Variants in RRM2 observed in about 807,000 individuals in gnomAD.
RRM2 encodes ribonucleotide reductase regulatory subunit M2.
RRM2 carries 6 observed loss-of-function variants against 45.9 expected under a neutral mutation model. The ratio of observed to expected loss-of-function variants is 0.13; its 90% CI spans 0.07 to 0.26. The LOEUF (loss-of-function observed/expected upper bound fraction) is 0.26. RRM2 is among the 10% of genes least tolerant of loss of function. The pLI, the probability that RRM2 is intolerant of heterozygous loss-of-function variation, is 1.00. For synonymous variants in RRM2, 177 were observed against 173.0 expected, an observed-to-expected ratio of 1.02 and a Z score of -0.18; for missense variants, 343 against 489.5, an observed-to-expected ratio of 0.70 and a Z score of 2.82.
At chr2:10,190,573 T>C (rs1293752293) in intron 3 of RRM2, among the ~76,000 whole-genome samples, 29 of 151,516 alleles carry the variant, frequency 1.9e-4, no homozygotes. Context: ...GTGATGATGG[T>C]GATGATCATG....
chr2:10,141,913 G>T (rs545079886), exon 2 of RRM2: 6 of 1,577,602 alleles, frequency 3.8e-6, no homozygotes, highest in Non-Finnish European at 4.3e-6. Context: ...GAGACAGCAC[G>T]CCAGTGAGGG....
At chr2:10,161,834 C>G (rs115606004) in intron 3 of RRM2, among the ~76,000 whole-genome samples, 1 of 152,210 alleles carries the variant, frequency 6.6e-6, no homozygotes, top group Non-Finnish European at 1.5e-5. Context: ...GCATCCCTAA[C>G]GTCACACAGC....
At chr2:10,128,261 G>A (rs945157442) in intron 7 of RRM2, among the ~76,000 whole-genome samples, 1 of 152,234 alleles carries the variant, frequency 6.6e-6, no homozygotes, top group East Asian at 1.9e-4. Context: ...TATACATTTT[G>A]GTCTAGTGTA....
downstream of RRM2, among the ~76,000 whole-genome samples, chr2:10,131,700 C>T (rs1229505776): frequency 6.6e-6 from 1 of 152,140 alleles, no homozygotes; most frequent in Non-Finnish European, 1.5e-5. Context: ...GATTGCACCG[C>T]TGCACTCCAG....
At position 10,169,188 on chromosome 2, in the gene RRM2, C is replaced by T. The variant is rs1216910238; in HGVS notation, n.482+26813C>T. 1.4e-5 allele frequency among the ~76,000 whole-genome samples: 2 copies of T among 146,894 alleles called. No individual in the cohort carries two copies. Among genetic ancestry groups the T allele is most frequent in the Non-Finnish European group, 3.0e-5 (2 of 67,178 alleles). ...GTAGAGATGGGGTCTCACAGTGTTG[C>T]CCAGGCTAGTTTTGAACTCCCGGGC... On this transcript the variant is annotated intron_variant and non_coding_transcript_variant, in intron 3 of 3. Transcript: ENST00000381786. The surrounding 1 kb of genome is among the most constrained non-coding windows in gnomAD (Gnocchi z 5.1).
At chr2:10,162,123 C>T (rs182456937) in intron 3 of RRM2, among the ~76,000 whole-genome samples, 2 of 151,766 alleles carry the variant, frequency 1.3e-5, no homozygotes, top group East Asian at 2.0e-4. Flanking sequence ...GGTGCCCTGT[C>T]AACAGTGATA....
chr2:10,141,973 A>G (rs1239801649), intron 2 of RRM2: 3 of 1,570,930 alleles, frequency 1.9e-6, no homozygotes, highest in Non-Finnish European at 2.6e-6. Flanking sequence ...GACGGTGACA[A>G]GCTCTGAAGA....
In RRM2 at chr2:10,204,771, A is replaced by G. The variant is rs1352070173; in HGVS notation, n.483-5540A>G. On this transcript the variant is annotated intron_variant and non_coding_transcript_variant, in intron 3 of 3. Coordinates refer to the RRM2 transcript ENST00000381786. This position sits in a 1 kb window ranked among gnomAD's most constrained non-coding sequence, Gnocchi z 4.0. ...ATACTTAGTCTGTGGCTGGGAGCCA[A>G]GCCTCAGGGTCCCTTTTCCTCTTCC... Among the ~76,000 whole-genome samples, 1 of 152,228 alleles carries G rather than the reference A, an allele frequency of 6.6e-6. No homozygotes were observed. The highest frequency in any genetic ancestry group is 1.5e-5 in the Non-Finnish European group (1 of 68,046).
downstream of RRM2, among the ~76,000 whole-genome samples, chr2:10,132,764 C>T (rs1046780867): frequency 6.6e-5 from 10 of 152,168 alleles, no homozygotes; most frequent in African/African-American, 2.4e-4. Context: ...GTCAGGTTGG[C>T]GCTGGGCCTA....
intron 3 of RRM2, among the ~76,000 whole-genome samples, chr2:10,193,835 A>G (rs554819362): frequency 6.6e-6 from 1 of 152,264 alleles, no homozygotes; most frequent in South Asian, 2.1e-4. Context: ...AGCAAGCATG[A>G]GATTGCAGAG....
chr2:10,193,381 G>A (rs1013465142), intron 3 of RRM2, among the ~76,000 whole-genome samples: 9 of 152,168 alleles, frequency 5.9e-5, no homozygotes, highest in South Asian at 2.1e-4. Context: ...TCCTTCTCAC[G>A]AGGCTCTGTG....
At position 10,122,775 on chromosome 2, in the gene RRM2, G is replaced by C. The variant is rs368001878; in HGVS notation, c.-24G>C. On this transcript the variant is annotated 5_prime_UTR_variant, in exon 1 of 10. Coordinates refer to ENST00000304567, the MANE Select transcript of RRM2 (RefSeq NM_001034.4). ...CCCAGCCGTCCTGTCCTGGCTGCTC[G>C]CTCTGCTTCGCTGCGCCTCCACTAT... 1 of 1,568,404 alleles carries C rather than the reference G, an allele frequency of 6.4e-7. No homozygotes were observed.
rs1005770710 is a variant in RRM2 at position 10,148,900 on chromosome 2, C to T, written n.482+6525C>T. Among the ~76,000 whole-genome samples, 8 of 152,086 alleles carry T rather than the reference C, an allele frequency of 5.3e-5. No individual in the cohort carries two copies. The South Asian group carries it at 6.2e-4, about 12-fold the overall frequency. ...AATTTTCTCTGTAATCTCTTTACAC[C>T]GTTCATTTTCATTTCCTTTTGCTCA... On this transcript the variant is annotated intron_variant and non_coding_transcript_variant, in intron 3 of 3. Transcript: ENST00000381786.
At chr2:10,123,644 T>C in intron 3 of RRM2, 92 bp from the exon 4 acceptor site, 1 of 1,430,212 alleles carries the variant, frequency 7.0e-7, no homozygotes, top group Non-Finnish European at 9.7e-7. Context: ...TAGTAAGTGG[T>C]GCCAGCATAC....
intron 3 of RRM2, among the ~76,000 whole-genome samples, chr2:10,190,074 A>AGG: frequency 8.1e-6 from 1 of 122,792 alleles, no homozygotes; most frequent in Non-Finnish European, 1.7e-5. Context: ...GGTGATGGTT[A>AGG]TGATGGTGGT....
intron 3 of RRM2, chr2:10,155,194 G>T: frequency 3.2e-6 from 1 of 311,496 alleles, no homozygotes; most frequent in South Asian, 3.3e-5. Flanking sequence ...CACTAGTCTT[G>T]ATTCAGGGCC....
chr2:10,168,616 C>T (rs2125321465), intron 3 of RRM2, among the ~76,000 whole-genome samples: 1 of 152,364 alleles, frequency 6.6e-6, no homozygotes, highest in South Asian at 2.1e-4. Flanking sequence ...GTGGGTCTCA[C>T]ACCACTCTCC....
At chr2:10,141,872 G>A (rs143288865) in exon 2 of RRM2, 10 of 1,565,200 alleles carry the variant, frequency 6.4e-6, no homozygotes, top group Middle Eastern at 1.7e-4. Flanking sequence ...AGACCGTGAA[G>A]TGCAAAGCAG....
At chr2:10,206,859 G>C (rs1664674491) in intron 3 of RRM2, among the ~76,000 whole-genome samples, 2 of 152,250 alleles carry the variant, frequency 1.3e-5, no homozygotes, top group South Asian at 4.1e-4. Flanking sequence ...GATACACAAA[G>C]GAAATTGACT....
Sources: gnomAD v4.1 joint callset for allele counts (sites outside exome capture counted in the v4.1 genomes callset) on GRCh38, gnomAD v4.1.1 for gene constraint, Gnocchi (gnomAD v3.1) non-coding constraint, MANE v1.5 for transcripts, NCBI Gene and HGNC (gene_info 2026-07-23, HGNC 2026-07-21) for gene names.